PKD1: variants seen among roughly 807,000 people sequenced by gnomAD.
The protein encoded by PKD1 is polycystin-1.
A neutral mutation model predicts 361.7 loss-of-function variants in PKD1; 81 were observed. The ratio of observed to expected loss-of-function variants is 0.22; its 90% CI spans 0.19 to 0.27. The LOEUF (loss-of-function observed/expected upper bound fraction) is 0.27. Ranked by LOEUF, PKD1 falls within the 10% of genes least tolerant of loss-of-function variation. The probability of loss-of-function intolerance (pLI) is 1.00; values close to 1 mark genes in which losing one functional copy is unlikely to be tolerated. For missense variants in PKD1, 6,399 were observed against 6,118.3 expected, an observed-to-expected ratio of 1.05 and a Z score of -1.53; for synonymous variants, 3,615 against 2,818.3, an observed-to-expected ratio of 1.28 and a Z score of -8.95.
At chr16:2,101,341 G>A (rs12919677) in intron 26 of PKD1, among the ~76,000 whole-genome samples, 2 of 144,710 alleles carry the variant, frequency 1.4e-5, no homozygotes, top group African/African-American at 2.7e-5. Flanking sequence ...GAGGAAAGCA[G>A]CACAGAGATA....
In PKD1 at chr16:2,105,494, C is replaced by A. The variant is rs1184750512; in HGVS notation, c.7864-20G>T. On this transcript the variant is annotated intron_variant, in intron 20 of 45. Transcript: ENST00000262304. ...CTCGTACTGGGGCAGGCAGGGGGCA[C>A]AGCAAGCTGTCAGCAGCGCAGGAGG... The A allele has an allele frequency of 3.1e-6, 5 of 1,595,352 alleles. No individual in the cohort carries two copies. Among genetic ancestry groups the A allele is most frequent in the Non-Finnish European group, 4.2e-6 (5 of 1,179,170 alleles).
intron 30 of PKD1, among the ~76,000 whole-genome samples, chr16:2,098,657 AC>A (rs1025944209): frequency 2.1e-5 from 3 of 142,890 alleles, no homozygotes; most frequent in Non-Finnish European, 3.0e-5. Context: ...CCTCTTGAGG[AC>A]CCCACGTGTG....
In PKD1 at chr16:2,135,530, G is replaced by C. The variant is rs1053936081; in HGVS notation, c.160C>G (p.Arg54Gly). ...GAACRVNCSG[R>G]GLRTLGPALR... is the part of the protein sequence containing the mutation. ...GCGGGACCGAGCGTCCGCAGCCCGCGGCCCGAGCAGTTGACGCGGCAGGCG... is the reference window on the plus strand; with the variant it reads ...GCGGGACCGAGCGTCCGCAGCCCGCCGCCCGAGCAGTTGACGCGGCAGGCG... The change falls in exon 1 of 46, where the codon CGC becomes GGC. Residue 54 changes from arginine to glycine, a missense_variant. Physicochemically the swap from Arg to Gly is moderately radical, Grantham distance 125. Coordinates refer to ENST00000262304, the MANE Select transcript of PKD1 (RefSeq NM_001009944.3). 6.0e-6 allele frequency: 7 copies of C among 1,160,936 alleles called. No individual in the cohort carries two copies. The African/African-American group carries it at 1.1e-4, about 19-fold the overall frequency. 71.9% of individuals were successfully genotyped at this position (1,160,936 alleles called of 1,614,324 possible).
rs765167102 is a variant in PKD1 at position 2,093,674 on chromosome 16, G to A, written c.10886C>T (p.Thr3629Ile). The change falls in exon 37 of 46, where the codon ACC becomes ATC. Residue 3629 changes from threonine (T) to isoleucine (I), a missense_variant. Thr to Ile is a moderately conservative substitution (Grantham distance 89, BLOSUM62 -1). Transcript: ENST00000262304. Reference protein sequence around the residue: ...AKRLHPDEDDTLVESPAVTPV... With the variant: ...AKRLHPDEDDILVESPAVTPV... ...CGTCACAGCCGGGCTCTCTACCAGG[G>A]TGTCATCTTCATCCGGGTGCAGCCG... 9.3e-6 allele frequency: 15 copies of A among 1,606,578 alleles called. No homozygotes were observed. The highest frequency in any genetic ancestry group is 1.7e-6 in the Non-Finnish European group (2 of 1,176,910).
In PKD1 at chr16:2,099,768, G is replaced by C. The variant is rs761055827; in HGVS notation, c.9926C>G (p.Thr3309Arg). 6.4e-7 allele frequency: 1 copy of C among 1,554,498 alleles called. No individual in the cohort carries two copies. The highest frequency in any genetic ancestry group is 1.2e-5 in the South Asian group (1 of 84,998). ...CGGGCTCAGCCTGGACACATGCCCC[G>C]TGCTGTGTGGAGGAGAGGAGGCCAC... is the stretch of plus-strand genomic sequence containing the variant. The part of the protein sequence containing the change: ...YGAVGDSAYS[T>R]GHVSRLSPLS... Residue 3309 changes from threonine (T) to arginine (R), a missense_variant and splice_region_variant, in exon 30 of 46, where the codon ACG becomes AGG. Coordinates refer to ENST00000262304, the MANE Select transcript of PKD1 (RefSeq NM_001009944.3).
At chr16:2,127,091 G>A (rs945480314) in intron 1 of PKD1, among the ~76,000 whole-genome samples, 2 of 152,118 alleles carry the variant, frequency 1.3e-5, no homozygotes, top group African/African-American at 4.8e-5. Flanking sequence ...TCGAGGCTCA[G>A]GCTTGGCACA....
chr16:2,092,406 C>A, intron 39 of PKD1, 74 bp downstream of exon 39: 1 of 1,125,378 alleles, frequency 8.9e-7, no homozygotes, highest in Non-Finnish European at 1.3e-6. Flanking sequence ...AGGGCTGATG[C>A]CAGAGCTCCG....
At chr16:2,130,454 C>T (rs1482957202) in intron 1 of PKD1, among the ~76,000 whole-genome samples, 2 of 152,240 alleles carry the variant, frequency 1.3e-5, no homozygotes, top group Non-Finnish European at 2.9e-5. Flanking sequence ...CATCATCCAT[C>T]TCTGTCCTTG....
chr16:2,089,416 C>G lies in PKD1; in HGVS notation c.*311G>C, dbSNP rs1277385607. 1 of 465,316 alleles carries G rather than the reference C, an allele frequency of 2.1e-6. No homozygotes were observed. The allele number at this position is 465,316 out of a possible 1,614,324, so 28.8% of individuals were successfully genotyped here. A position where few individuals can be genotyped will look rare whatever the true frequency, so the allele number is the denominator to read the frequency against. On this transcript the variant is annotated 3_prime_UTR_variant, in exon 46 of 46. Transcript: ENST00000262304. ...AGCCTTAGCAGTGGGGGACATCTGC[C>G]CAGGGGGTGGGGCCGGGCACAGCCC... is the stretch of plus-strand genomic sequence containing the variant.
Position 2,100,131 on chromosome 16 carries a change from C to A in PKD1, c.9712+35G>T, listed in dbSNP as rs749651075. Reference sequence around the variant, plus strand: ...ACGGGGCAGGACCACCCTGCCCAACCTCCCACGGAGTGGGAACATGGAACG... The same window carrying A: ...ACGGGGCAGGACCACCCTGCCCAACATCCCACGGAGTGGGAACATGGAACG... On this transcript the variant is annotated intron_variant, in intron 28 of 45. Transcript: ENST00000262304. The surrounding 1 kb of genome is among the most constrained non-coding windows in gnomAD (Gnocchi z 4.4). 1.4e-5 allele frequency: 23 copies of A among 1,599,194 alleles called. No homozygotes were observed. Among genetic ancestry groups the A allele is most frequent in the Non-Finnish European group, 1.8e-5 (21 of 1,170,016 alleles).
intron 34 of PKD1, among the ~76,000 whole-genome samples, chr16:2,096,664 T>G (rs1412340256): frequency 2.0e-5 from 3 of 152,120 alleles, no homozygotes; most frequent in African/African-American, 7.2e-5. Context: ...TACAGGCGCC[T>G]GCCAGCATGC....
At chr16:2,095,015 C>T (rs777767136) in intron 34 of PKD1, 2 of 152,308 alleles carry the variant, frequency 1.3e-5, no homozygotes. Flanking sequence ...TGTCTCAAGC[C>T]TGTAATCCCA....
rs138332867 is a variant in PKD1, at chr16:2,100,200, G to C, written c.9678C>G (p.Asn3226Lys). 11 of 1,609,516 alleles carry C rather than the reference G, an allele frequency of 6.8e-6. No homozygotes were observed. Among genetic ancestry groups the C allele is most frequent in the Non-Finnish European group, 8.5e-6 (10 of 1,178,822 alleles). Residue 3226 changes from asparagine (N) to lysine (K), a missense_variant, in exon 28 of 46, where the codon AAC becomes AAG. Coordinates refer to ENST00000262304, the MANE Select transcript of PKD1 (RefSeq NM_001009944.3). This position sits in a 1 kb window ranked among gnomAD's most constrained non-coding sequence, Gnocchi z 4.4. ...GCACCTCCTTCTCCACCAGGCCCCCGTTGGCCTCCGTCTCCACCGAAAGCC... is the reference window on the plus strand; with the variant it reads ...GCACCTCCTTCTCCACCAGGCCCCCCTTGGCCTCCGTCTCCACCGAAAGCC... ...NDWLSVETEA[N>K]GGLVEKEVLA... is the part of the protein sequence containing the mutation.
At position 2,102,859 on chromosome 16, in the gene PKD1, A is replaced by G; in HGVS notation, c.8903T>C (p.Leu2968Pro). Residue 2968 changes from leucine to proline, a missense_variant, in exon 24 of 46, where the codon CTC becomes CCC. Leu to Pro is a moderately conservative substitution (Grantham distance 98). Coordinates refer to ENST00000262304, the MANE Select transcript of PKD1 (RefSeq NM_001009944.3). ...SASRRIRPES[L>P]QGADHRPYTF... ...GTAGGGCCGGTGGTCAGCACCCTGG[A>G]GTGACTCTGGGCGGATCCTCCTGCT... 1 of 1,582,476 alleles carries G rather than the reference A, an allele frequency of 6.3e-7. No homozygotes were observed. Among genetic ancestry groups the G allele is most frequent in the Non-Finnish European group, 8.6e-7 (1 of 1,168,190 alleles).
In PKD1 at chr16:2,111,724, G is replaced by A. The variant is rs895271907; in HGVS notation, c.3443C>T (p.Pro1148Leu). Residue 1148 changes from proline (P) to leucine (L), a missense_variant, in exon 15 of 46, where the codon CCG becomes CTG. Coordinates refer to ENST00000262304, the MANE Select transcript of PKD1 (RefSeq NM_001009944.3). ...ACCCCCAGGCGAGGGCAGCGGGTGC[G>A]GGTAGAAGGTGACGGGCCGGCCGGC... ...LVAGRPVTFYPHPLPSPGGVL... is the reference protein window; with the variant it reads ...LVAGRPVTFYLHPLPSPGGVL... The A allele has an allele frequency of 5.6e-6, 9 of 1,594,612 alleles. 1 individual carries two copies. Among genetic ancestry groups the A allele is most frequent in the Middle Eastern group, 4.5e-4 (2 of 4,410 alleles).
rs531914267 is a variant in PKD1, at chr16:2,097,444, G to A, written c.10280C>T (p.Pro3427Leu). Residue 3427 changes from proline to leucine, a missense_variant, in exon 33 of 46, where the codon CCG (proline) becomes CTG (leucine). Pro to Leu is a moderately conservative substitution (Grantham distance 98, BLOSUM62 -3). Transcript: ENST00000262304. ...CCGCAGATTGCTACCCACAATGGACGGGTCACTGAGCAGGTCCGGCCAACT... is the reference window on the plus strand; with the variant it reads ...CCGCAGATTGCTACCCACAATGGACAGGTCACTGAGCAGGTCCGGCCAACT... Reference protein sequence around the residue: ...TLSWPDLLSDPSIVGSNLRQL... With the variant: ...TLSWPDLLSDLSIVGSNLRQL... 7 of 1,606,438 alleles carry A rather than the reference G, an allele frequency of 4.4e-6. No individual in the cohort carries two copies. The highest frequency in any genetic ancestry group is 2.2e-5 in the East Asian group (1 of 44,880).
intron 1 of PKD1, among the ~76,000 whole-genome samples, chr16:2,125,923 A>G (rs1389877675): frequency 6.6e-6 from 1 of 151,968 alleles, no homozygotes; most frequent in East Asian, 1.9e-4. Flanking sequence ...TCCTCCCCCA[A>G]CACCATCCCC....
At position 2,089,761 on chromosome 16, in the gene PKD1, C is replaced by T. The variant is rs781282665; in HGVS notation, c.12878G>A (p.Arg4293Gln). 4.6e-5 allele frequency: 73 copies of T among 1,593,300 alleles called. No individual in the cohort carries two copies. The Middle Eastern group carries it at 5.7e-4, about 13-fold the overall frequency. Reference protein sequence around the residue: ...LATGPSRTPLRAKNKVHPSST With the variant: ...LATGPSRTPLQAKNKVHPSST ...GCTGGGGTGGACCTTGTTCTTGGCC[C>T]GAAGGGGTGTCCTGCTGGGGCCAGT... is the stretch of plus-strand genomic sequence containing the variant. Residue 4293 changes from arginine (R) to glutamine (Q), a missense_variant, in exon 46 of 46, where the codon CGG (arginine) becomes CAG (glutamine). Arg to Gln is a conservative substitution (Grantham distance 43). Transcript: ENST00000262304.
chr16:2,091,743 G>T, intron 41 of PKD1, 38 bp downstream of exon 41: 1 of 1,605,538 alleles, frequency 6.2e-7, no homozygotes, highest in Non-Finnish European at 8.5e-7. Context: ...GCTGGTGACT[G>T]CGGCCACCCC....
Sources: gnomAD v4.1 joint callset for allele counts (sites outside exome capture counted in the v4.1 genomes callset) on GRCh38, gnomAD v4.1.1 for gene constraint, Gnocchi (gnomAD v3.1) non-coding constraint, MANE v1.5 for transcripts, NCBI Gene and HGNC (gene_info 2026-07-23, HGNC 2026-07-21) for gene names.